Variants in MMP16 observed in about 807,000 individuals in gnomAD.
MMP16 encodes matrix metallopeptidase 16.
In MMP16, 12 loss-of-function variants were observed where a neutral mutation model predicts 67.8. The ratio of observed to expected loss-of-function variants is 0.18; its 90% CI spans 0.11 to 0.29. MMP16 has a LOEUF of 0.29. Among genes scored for constraint, MMP16 ranks in the 10% least tolerant of loss-of-function variants. The pLI, the probability that MMP16 is intolerant of heterozygous loss-of-function variation, is 1.00. For synonymous variants in MMP16, 249 were observed against 255.9 expected (o/e 0.97, Z 0.26); for missense variants, 475 against 765.7 (o/e 0.62, Z 4.48).
At chr8:88,050,891 G>A (rs1001012902) in intron 8 of MMP16, among the ~76,000 whole-genome samples, 56 of 152,128 alleles carry the variant, frequency 3.7e-4, no homozygotes, top group African/African-American at 1.3e-3. Context: ...AGGATTCAGA[G>A]AGATCTCATT....
chr8:88,181,710 G>A (rs1808982944), intron 3 of MMP16, among the ~76,000 whole-genome samples: 2 of 151,818 alleles, frequency 1.3e-5, no homozygotes, highest in African/African-American at 4.8e-5. Context: ...CAAATACCCA[G>A]CAGAATACTT....
intron 1 of MMP16, among the ~76,000 whole-genome samples, chr8:88,298,131 G>C (rs1182225182): frequency 6.6e-6 from 1 of 152,182 alleles, no homozygotes; most frequent in Non-Finnish European, 1.5e-5. Context: ...GAAGGTAAAA[G>C]AGAAGGTAAG....
intron 4 of MMP16, among the ~76,000 whole-genome samples, chr8:88,144,443 A>G (rs1490602177): frequency 6.6e-6 from 1 of 151,782 alleles, no homozygotes; most frequent in African/African-American, 2.4e-5. Flanking sequence ...ATAGGTATAT[A>G]TGTATATGTG....
intron 1 of MMP16, among the ~76,000 whole-genome samples, chr8:88,227,820 A>G (rs1310589815): frequency 1.3e-5 from 2 of 152,074 alleles, no homozygotes; most frequent in Non-Finnish European, 2.9e-5. Flanking sequence ...AAGTACAACA[A>G]TTACTCTGTT....
intron 8 of MMP16, among the ~76,000 whole-genome samples, chr8:88,047,704 T>C (rs2118202535): frequency 6.6e-6 from 1 of 152,242 alleles, no homozygotes; most frequent in Admixed American, 6.5e-5. Flanking sequence ...GAACCTAAGA[T>C]TAGACAAGCA....
chr8:88,282,965 C>T (rs995625038), intron 1 of MMP16, among the ~76,000 whole-genome samples: 4 of 152,016 alleles, frequency 2.6e-5, no homozygotes, highest in African/African-American at 9.7e-5. Flanking sequence ...TACTCTATGG[C>T]TTTCTTTTTT....
intron 1 of MMP16, among the ~76,000 whole-genome samples, chr8:88,245,510 A>C (rs767583399): frequency 1.3e-4 from 20 of 152,174 alleles, no homozygotes; most frequent in Non-Finnish European, 2.1e-4. Flanking sequence ...AACTGCCTCA[A>C]AGCAAGAAAG....
intron 1 of MMP16, among the ~76,000 whole-genome samples, chr8:88,206,613 T>C (rs1234515678): frequency 3.3e-5 from 5 of 152,246 alleles, no homozygotes; most frequent in Non-Finnish European, 1.5e-5. Flanking sequence ...GCTGGAATAA[T>C]TGGATACATA....
At chr8:88,141,952 T>A (rs1252546659) in intron 4 of MMP16, among the ~76,000 whole-genome samples, 1 of 151,852 alleles carries the variant, frequency 6.6e-6, no homozygotes, top group East Asian at 1.9e-4. Flanking sequence ...TCTCGCTCTG[T>A]CGCCAAGGTT....
At chr8:88,261,792 C>CA (rs1554589560) in intron 1 of MMP16, among the ~76,000 whole-genome samples, 2 of 151,520 alleles carry the variant, frequency 1.3e-5, no homozygotes, top group African/African-American at 2.4e-5. Context: ...CACACACACA[C>CA]AACCATATAA....
chr8:88,223,271 G>A (rs1442568003), intron 1 of MMP16, among the ~76,000 whole-genome samples: 5 of 152,066 alleles, frequency 3.3e-5, no homozygotes, highest in African/African-American at 9.7e-5. Flanking sequence ...CAACCATTGC[G>A]GAAGACAGTG....
chr8:88,262,846 CAAAAAAAAAA>C (rs71277991), intron 1 of MMP16, among the ~76,000 whole-genome samples: 46 of 53,470 alleles, frequency 8.6e-4, no homozygotes, highest in African/African-American at 1.7e-3. Flanking sequence ...ACTAAAAATA[CAAAAAAAAAA>C]AAAAAAAAAA....
chr8:88,230,658 A>T (rs971636889), intron 1 of MMP16, among the ~76,000 whole-genome samples: 1 of 152,058 alleles, frequency 6.6e-6, no homozygotes, highest in Non-Finnish European at 1.5e-5. Flanking sequence ...GTAGAAAGTC[A>T]ACCATACATA....
intron 1 of MMP16, among the ~76,000 whole-genome samples, chr8:88,283,465 C>T (rs1425944980): frequency 2.6e-5 from 4 of 152,080 alleles, no homozygotes; most frequent in Non-Finnish European, 5.9e-5. Flanking sequence ...AAAAACAAAG[C>T]TATTGTGAAG....
chr8:88,047,043 G>A (rs959120016), intron 8 of MMP16, among the ~76,000 whole-genome samples: 1 of 151,996 alleles, frequency 6.6e-6, no homozygotes, highest in African/African-American at 2.4e-5. Flanking sequence ...TCCATATCCT[G>A]CCTGTGTTAA....
chr8:88,301,855 T>C (rs1321954106), intron 1 of MMP16, among the ~76,000 whole-genome samples: 1 of 152,230 alleles, frequency 6.6e-6, no homozygotes, highest in African/African-American at 2.4e-5. Flanking sequence ...ATGAATATCA[T>C]ACCTCAACAT....
At chr8:88,115,496 T>C (rs1809413064) in intron 6 of MMP16, among the ~76,000 whole-genome samples, 1 of 152,056 alleles carries the variant, frequency 6.6e-6, no homozygotes, top group Non-Finnish European at 1.5e-5. Flanking sequence ...GCATATTATA[T>C]CGAATCCAGA....
Position 88,074,656 on chromosome 8 carries a change from T to G in MMP16, c.1171A>C (p.Ser391Arg). 6.2e-7 allele frequency: 1 copy of G among 1,613,722 alleles called. No individual in the cohort carries two copies. Among genetic ancestry groups the G allele is most frequent in the East Asian group, 2.2e-5 (1 of 44,830 alleles). Residue 391 changes from serine (S) to arginine (R), a missense_variant, in exon 7 of 10, where the codon AGT becomes CGT. Physicochemically the swap from Ser to Arg is moderately radical, Grantham distance 110. Around this residue, in one of 5 missense-constraint regions of MMP16, gnomAD observed 195 missense variants for 300.9 expected, o/e 0.65. Transcript: ENST00000286614. ...ITYFWRGLPP[S>R]IDAVYENSDG... is the part of the protein sequence containing the mutation. Reference sequence around the variant, plus strand: ...CTATTTTCATAAACTGCATCGATACTAGGAGGCAAGCCCCGCCAGAAGTAA... The same window carrying G: ...CTATTTTCATAAACTGCATCGATACGAGGAGGCAAGCCCCGCCAGAAGTAA...
chr8:88,270,974 T>C (rs1016451613), intron 1 of MMP16, among the ~76,000 whole-genome samples: 1 of 152,336 alleles, frequency 6.6e-6, no homozygotes, highest in South Asian at 2.1e-4. Flanking sequence ...TACCTTTGTA[T>C]CTACCCAGAC....
Sources: allele counts gnomAD v4.1 joint callset (sites outside exome capture counted in the v4.1 genomes callset), GRCh38; gene constraint gnomAD v4.1.1; regional missense constraint gnomAD v4.1.1; transcripts MANE v1.5; gene names NCBI Gene and HGNC (gene_info 2026-07-23, HGNC 2026-07-21).